The following PRKACB variants were observed in gnomAD, a reference collection of about 807,000 sequenced individuals.
PRKACB encodes the protein protein kinase cAMP-activated catalytic subunit beta, also known as cAMP-dependent protein kinase catalytic subunit beta.
PRKACB carries 16 observed loss-of-function variants against 51.4 expected under a neutral mutation model. That is an observed-to-expected ratio of 0.31 (90% CI 0.21 to 0.47). The LOEUF is 0.47. Among genes scored for constraint, PRKACB ranks in the 20% least tolerant of loss-of-function variants. The probability of loss-of-function intolerance (pLI) is 1.00; values close to 1 mark genes in which losing one functional copy is unlikely to be tolerated. For missense variants in PRKACB, 309 were observed against 464.5 expected, an observed-to-expected ratio of 0.67 and a Z score of 3.08; for synonymous variants, 147 against 154.4, an observed-to-expected ratio of 0.95 and a Z score of 0.35.
upstream of PRKACB, among the ~76,000 whole-genome samples, chr1:84,142,174 T>A (rs1366139258): frequency 6.6e-6 from 1 of 152,158 alleles, no homozygotes; most frequent in Non-Finnish European, 1.5e-5. Context: ...ATGCATTTCA[T>A]TTATGAATTC....
chr1:84,115,252 G>C (rs1047941991), intron 1 of PRKACB, among the ~76,000 whole-genome samples: 2 of 150,956 alleles, frequency 1.3e-5, no homozygotes, highest in African/African-American at 4.9e-5. Context: ...GTGTTACCTA[G>C]TTAAGGTTTT....
intron 8 of PRKACB, among the ~76,000 whole-genome samples, chr1:84,212,827 A>T (rs1039356641): frequency 6.6e-6 from 1 of 152,164 alleles, no homozygotes; most frequent in African/African-American, 2.4e-5. Context: ...AAATGGATGA[A>T]CTACAGTATT....
In PRKACB at chr1:84,214,161, CCCA is replaced by C; in HGVS notation, c.916_918del (p.Pro306del). ...ATGGTGTGTTTGTGTAGGTCCGATT[CCCA>C]TCCCACTTCAGTTCAGATCTCAAGG... On this transcript the variant is annotated inframe_deletion, in exon 9 of 10. Coordinates refer to ENST00000370685, the MANE Select transcript of PRKACB (RefSeq NM_182948.4). 6.2e-7 allele frequency: 1 copy of C among 1,604,958 alleles called. No individual in the cohort carries two copies. The highest frequency in any genetic ancestry group is 1.7e-5 in the Admixed American group (1 of 58,650).
intron 1 of PRKACB, among the ~76,000 whole-genome samples, chr1:84,134,245 A>G (rs1329326864): frequency 6.6e-6 from 1 of 152,118 alleles, no homozygotes; most frequent in African/African-American, 2.4e-5. Flanking sequence ...GGGGCAGGGC[A>G]GGCCATGGGT....
At chr1:84,195,151 A>G (rs1667860988) in intron 5 of PRKACB, among the ~76,000 whole-genome samples, 1 of 152,222 alleles carries the variant, frequency 6.6e-6, no homozygotes. Context: ...AATGACCAGA[A>G]TGATTATTTT....
intron 1 of PRKACB, among the ~76,000 whole-genome samples, chr1:84,091,713 C>T (rs973259571): frequency 6.6e-6 from 1 of 152,040 alleles, no homozygotes; most frequent in African/African-American, 2.4e-5. Context: ...CCATGTTGCC[C>T]GGCCTGGTCT....
At chr1:84,096,689 T>G (rs1360992387) in intron 1 of PRKACB, among the ~76,000 whole-genome samples, 1 of 151,310 alleles carries the variant, frequency 6.6e-6, no homozygotes, top group Non-Finnish European at 1.5e-5. Context: ...TTAACAAGAG[T>G]TTTTTTTATA....
At chr1:84,189,032 A>T (rs964440961) in intron 5 of PRKACB, among the ~76,000 whole-genome samples, 3 of 151,990 alleles carry the variant, frequency 2.0e-5, no homozygotes. Flanking sequence ...TAAAGACAAC[A>T]TAGGATATTA....
At chr1:84,115,526 T>C (rs1650562258) in intron 1 of PRKACB, among the ~76,000 whole-genome samples, 1 of 152,042 alleles carries the variant, frequency 6.6e-6, no homozygotes, top group Non-Finnish European at 1.5e-5. Context: ...CTTTTTAGTT[T>C]AATTAAGTTT....
intron 1 of PRKACB, among the ~76,000 whole-genome samples, chr1:84,161,860 A>G (rs1656236574): frequency 6.6e-6 from 1 of 152,004 alleles, no homozygotes; most frequent in Non-Finnish European, 1.5e-5. Flanking sequence ...AAGAGAGAAC[A>G]GAAAAAATGT....
chr1:84,200,083 G>A (rs1329371773), intron 7 of PRKACB, among the ~76,000 whole-genome samples: 1 of 152,010 alleles, frequency 6.6e-6, no homozygotes, highest in Non-Finnish European at 1.5e-5. Flanking sequence ...CCGACCTCAA[G>A]TGGTGCACCC....
At chr1:84,202,460 C>G (rs1305959366) in intron 7 of PRKACB, among the ~76,000 whole-genome samples, 1 of 152,010 alleles carries the variant, frequency 6.6e-6, no homozygotes, top group Non-Finnish European at 1.5e-5. Flanking sequence ...ATTTAATACT[C>G]TTTCCTAATA....
At position 84,166,229 on chromosome 1, in the gene PRKACB, C is replaced by T. The variant is rs186861240; in HGVS notation, c.188-12948C>T. On this transcript the variant is annotated intron_variant, in intron 1 of 9. Transcript: ENST00000370685. The stretch of plus-strand genomic sequence containing the variant: ...AATAATCTGCTGTTTTAAATTTGAA[C>T]GAATATTACAAAAACAACTTAACAT... 5.3e-5 allele frequency among the ~76,000 whole-genome samples: 8 copies of T among 151,640 alleles called. 1 individual carries two copies. Among genetic ancestry groups the T allele is most frequent in the Middle Eastern group, 3.4e-3 (1 of 294 alleles).
chr1:84,121,711 G>T (rs1350536620), intron 1 of PRKACB, among the ~76,000 whole-genome samples: 1 of 152,056 alleles, frequency 6.6e-6, no homozygotes, highest in East Asian at 1.9e-4. Flanking sequence ...GTATTAGAAG[G>T]GTTGCCTGCA....
intron 9 of PRKACB, among the ~76,000 whole-genome samples, chr1:84,225,330 C>G (rs981553759): frequency 6.6e-6 from 1 of 152,136 alleles, no homozygotes; most frequent in African/African-American, 2.4e-5. Context: ...TGGCAGTGGC[C>G]CCAGGCAGGA....
chr1:84,115,911 AAAAAAAAAT>A (rs1374222950), intron 1 of PRKACB, among the ~76,000 whole-genome samples: 9 of 148,166 alleles, frequency 6.1e-5, no homozygotes, highest in Non-Finnish European at 1.3e-4. Flanking sequence ...AAAAAAAAAA[AAAAAAAAAT>A]TCTTTGCCTA....
intron 1 of PRKACB, among the ~76,000 whole-genome samples, chr1:84,138,557 A>G (rs1242781476): frequency 2.6e-5 from 4 of 152,196 alleles, no homozygotes; most frequent in Non-Finnish European, 5.9e-5. Flanking sequence ...AACAAAAACG[A>G]AAAACAAAAC....
intron 1 of PRKACB, among the ~76,000 whole-genome samples, chr1:84,131,620 C>T (rs1258977643): frequency 6.6e-6 from 1 of 152,026 alleles, no homozygotes; most frequent in East Asian, 1.9e-4. Flanking sequence ...TGTTTTCTTC[C>T]CCCCATCAGA....
chr1:84,223,985 A>T (rs1674164710), intron 9 of PRKACB, among the ~76,000 whole-genome samples: 1 of 152,090 alleles, frequency 6.6e-6, no homozygotes, highest in Non-Finnish European at 1.5e-5. Flanking sequence ...GTAGGGTAAG[A>T]CTTTTTTCTG....
Sources: allele counts gnomAD v4.1 joint callset (sites outside exome capture counted in the v4.1 genomes callset), GRCh38; gene constraint gnomAD v4.1.1; transcripts MANE v1.5; gene names NCBI Gene and HGNC (gene_info 2026-07-23, HGNC 2026-07-21).